RBMS3: variants seen among roughly 807,000 people sequenced by gnomAD.
RBMS3 encodes RNA-binding motif, single-stranded-interacting protein 3.
In RBMS3, 27 loss-of-function variants were observed where a neutral mutation model predicts 66.8. The observed-to-expected ratio is 0.40, with a 90% CI of 0.30 to 0.56. The LOEUF (loss-of-function observed/expected upper bound fraction) is 0.56, where lower values mean the gene tolerates loss of function less well. Among genes scored for constraint, RBMS3 ranks in the 20% least tolerant of loss-of-function variants. The pLI is 0.40. For synonymous variants in RBMS3, 188 were observed against 183.0 expected (o/e 1.03, Z -0.22); for missense variants, 513 against 549.5 (o/e 0.93, Z 0.66).
chr3:29,649,959 C>G (rs1201702879), intron 4 of RBMS3, among the ~76,000 whole-genome samples: 2 of 152,180 alleles, frequency 1.3e-5, no homozygotes, highest in African/African-American at 2.4e-5. Flanking sequence ...TCACATCGCA[C>G]AAGGCCAAGT....
intron 4 of RBMS3, among the ~76,000 whole-genome samples, chr3:29,682,486 G>C (rs2051541838): frequency 6.6e-6 from 1 of 152,166 alleles, no homozygotes; most frequent in Non-Finnish European, 1.5e-5. Context: ...CTGATTCATT[G>C]ATAATGATTT....
chr3:29,768,727 T>C (rs777144196), intron 6 of RBMS3, among the ~76,000 whole-genome samples: 19 of 152,014 alleles, frequency 1.2e-4, no homozygotes, highest in East Asian at 2.0e-4. Context: ...GAAGATAACA[T>C]TGGGTCTCTC....
intron 6 of RBMS3, among the ~76,000 whole-genome samples, chr3:29,791,294 T>C (rs2057004570): frequency 6.6e-6 from 1 of 152,200 alleles, no homozygotes; most frequent in Admixed American, 6.5e-5. Context: ...TCCTATTTTT[T>C]ATGTGTTGCT....
At chr3:29,798,060 G>A (rs180837616) in intron 6 of RBMS3, among the ~76,000 whole-genome samples, 18 of 151,978 alleles carry the variant, frequency 1.2e-4, no homozygotes, top group Non-Finnish European at 2.1e-4. Context: ...GCCAGGAAAA[G>A]AGTCAGAACA....
At chr3:29,784,368 C>T (rs956931864) in intron 6 of RBMS3, among the ~76,000 whole-genome samples, 1 of 152,054 alleles carries the variant, frequency 6.6e-6, no homozygotes, top group Admixed American at 6.6e-5. Flanking sequence ...AGTTGGAAAT[C>T]AACTACAAAA....
At chr3:29,324,922 T>C (rs2035231958) in intron 1 of RBMS3, among the ~76,000 whole-genome samples, 1 of 152,150 alleles carries the variant, frequency 6.6e-6, no homozygotes, top group Non-Finnish European at 1.5e-5. Context: ...TTTCATGTCA[T>C]TTCTGTTATG....
intron 4 of RBMS3, among the ~76,000 whole-genome samples, chr3:29,739,480 A>C (rs2149348951): frequency 6.6e-6 from 1 of 151,872 alleles, no homozygotes; most frequent in East Asian, 1.9e-4. Context: ...AAAAAAAGAA[A>C]AGTTTATTAG....
At chr3:29,296,484 T>G (rs2033271270) in intron 1 of RBMS3, among the ~76,000 whole-genome samples, 1 of 151,838 alleles carries the variant, frequency 6.6e-6, no homozygotes, top group Non-Finnish European at 1.5e-5. Flanking sequence ...AAAGTGACTC[T>G]GTAAATCTAA....
At chr3:29,968,994 A>G (rs565323805) in intron 12 of RBMS3, among the ~76,000 whole-genome samples, 1 of 152,344 alleles carries the variant, frequency 6.6e-6, no homozygotes, top group East Asian at 1.9e-4. Flanking sequence ...AAGAGATCTC[A>G]AAAACTTCTG....
chr3:29,791,677 C>A (rs2057017994), intron 6 of RBMS3, among the ~76,000 whole-genome samples: 2 of 152,158 alleles, frequency 1.3e-5, no homozygotes, highest in African/African-American at 4.8e-5. Context: ...TATCCCTAAA[C>A]TTTATCCTAT....
In RBMS3 at chr3:29,897,320, G is replaced by T; in HGVS notation, c.792-59G>T. On this transcript the variant is annotated intron_variant, in intron 8 of 14. Transcript: ENST00000383767. ...TTCCCATAGGTACTTGATAGCATTT[G>T]ATTAGAGGCCAGGCATGTAGCAGCT... The T allele has an allele frequency of 1.4e-5, 21 of 1,471,942 alleles. No homozygotes were observed. In the South Asian group the frequency reaches 2.2e-4, roughly 15 times the overall value. 91.2% of individuals were successfully genotyped at this position (1,471,942 alleles called of 1,614,324 possible). A position where few individuals can be genotyped will look rare whatever the true frequency, so the allele number is the denominator to read the frequency against.
chr3:29,475,251 CT>C (rs35099344), intron 2 of RBMS3, among the ~76,000 whole-genome samples: 212 of 140,742 alleles, frequency 1.5e-3, no homozygotes, highest in Admixed American at 1.8e-3. Flanking sequence ...CTTTTCTTTT[CT>C]TTTTTTTTTT....
chr3:29,604,301 A>G (rs1225407768), intron 4 of RBMS3, among the ~76,000 whole-genome samples: 2 of 151,934 alleles, frequency 1.3e-5, no homozygotes, highest in African/African-American at 4.8e-5. Flanking sequence ...TACTTATTGG[A>G]AACACCATTT....
At position 29,902,646 on chromosome 3, in the gene RBMS3, T is replaced by C. The variant is rs139022625; in HGVS notation, c.939+2891T>C. ...TGTCAAAATCTATGTCTCAAATATA[T>C]TGCCCATAATTCCAATTTGCTTGCA... On this transcript the variant is annotated intron_variant, in intron 10 of 14. Transcript: ENST00000383767. Among the ~76,000 whole-genome samples, 4 of 152,044 alleles carry C rather than the reference T, an allele frequency of 2.6e-5. No homozygotes were observed. In the East Asian group the frequency reaches 7.8e-4, roughly 30 times the overall value.
At chr3:29,497,655 A>G (rs1325345645) in intron 3 of RBMS3, among the ~76,000 whole-genome samples, 1 of 152,162 alleles carries the variant, frequency 6.6e-6, no homozygotes, top group Non-Finnish European at 1.5e-5. Flanking sequence ...TTTGGGCACC[A>G]TCTGTGTGCA....
chr3:30,001,559 T>C (rs1347534488), intron 14 of RBMS3, among the ~76,000 whole-genome samples: 1 of 151,962 alleles, frequency 6.6e-6, no homozygotes, highest in Non-Finnish European at 1.5e-5. Context: ...AAATCTTCTC[T>C]GGCTAACTGA....
chr3:29,452,074 G>A (rs1267044091), intron 2 of RBMS3, among the ~76,000 whole-genome samples: 2 of 152,188 alleles, frequency 1.3e-5, no homozygotes, highest in Non-Finnish European at 2.9e-5. Context: ...TGTCCATTAT[G>A]CTTGAAGGAT....
chr3:29,412,929 G>A (rs1419890637), intron 1 of RBMS3, among the ~76,000 whole-genome samples: 1 of 152,222 alleles, frequency 6.6e-6, no homozygotes, highest in Non-Finnish European at 1.5e-5. Flanking sequence ...TAGAACAGCA[G>A]CAGGAATCAG....
At chr3:29,742,120 G>A (rs2054675306) in intron 5 of RBMS3, among the ~76,000 whole-genome samples, 2 of 152,092 alleles carry the variant, frequency 1.3e-5, no homozygotes, top group South Asian at 4.1e-4. Flanking sequence ...TTAAAATGAG[G>A]CATATTTTTC....
Sources: allele counts gnomAD v4.1 joint callset (sites outside exome capture counted in the v4.1 genomes callset), GRCh38; gene constraint gnomAD v4.1.1; transcripts MANE v1.5; gene names NCBI Gene and HGNC (gene_info 2026-07-23, HGNC 2026-07-21).